Variants in EPC1 observed in about 807,000 individuals in gnomAD.
The protein encoded by EPC1 is enhancer of polycomb homolog 1.
EPC1 carries 12 observed loss-of-function variants against 98.4 expected under a neutral mutation model. The observed-to-expected ratio is 0.12, with a 90% confidence interval of 0.08 to 0.20. EPC1 has a LOEUF of 0.20. Ranked by LOEUF, EPC1 falls within the 10% of genes least tolerant of loss-of-function variation. EPC1 has a pLI of 1.00. For missense variants in EPC1, 729 were observed against 990.5 expected, an observed-to-expected ratio of 0.74 and a Z score of 3.54; for synonymous variants, 357 against 363.9, an observed-to-expected ratio of 0.98 and a Z score of 0.21.
intron 10 of EPC1, 101 bp downstream of exon 10, chr10:32,284,597 G>C (rs1337591801): frequency 2.1e-6 from 2 of 951,754 alleles, no homozygotes; most frequent in African/African-American, 1.7e-5. Context: ...AAGAGAAAAG[G>C]ACTTTAAGCC....
Position 32,292,995 on chromosome 10 carries a change from G to A in EPC1, c.659C>T (p.Thr220Ile). 1 of 1,569,826 alleles carries A rather than the reference G, an allele frequency of 6.4e-7. No individual in the cohort carries two copies. The highest frequency in any genetic ancestry group is 8.6e-7 in the Non-Finnish European group (1 of 1,158,470). The change falls in exon 4 of 14, where the codon ACT becomes ATT. Residue 220 changes from threonine to isoleucine, a missense_variant. Thr to Ile is a moderately conservative substitution (Grantham distance 89). Coordinates refer to ENST00000319778, the MANE Select transcript of EPC1 (RefSeq NM_001272004.3). ...TTCTTCAAATTCACTTACTTTTCGA[G>A]TCTGCATTTTTTCAGTACGCCTTCT... ...AFRRRTEKMQTRKNRKNDEAS... is the reference protein window; with the variant it reads ...AFRRRTEKMQIRKNRKNDEAS...
At chr10:32,290,090 G>A (rs182766410) in intron 6 of EPC1, among the ~76,000 whole-genome samples, 2,011 of 152,038 alleles carry the variant, frequency 0.013, 25 homozygotes, top group Non-Finnish European at 0.021. Flanking sequence ...ACTTAGTTAA[G>A]TACTAATTTG....
At chr10:32,273,639 C>CT (rs1412161586) in intron 10 of EPC1, among the ~76,000 whole-genome samples, 1 of 152,052 alleles carries the variant, frequency 6.6e-6, no homozygotes, top group African/African-American at 2.4e-5. Context: ...TGGAATTCAG[C>CT]TTTGCACTGA....
chr10:32,270,658 C>T (rs1260387298), intron 13 of EPC1, among the ~76,000 whole-genome samples: 1 of 151,862 alleles, frequency 6.6e-6, no homozygotes, highest in East Asian at 1.9e-4. Flanking sequence ...AACCCCGTCC[C>T]TGCTAAAAAT....
At chr10:32,346,256 G>A (rs1838794978) in intron 1 of EPC1, among the ~76,000 whole-genome samples, 1 of 152,196 alleles carries the variant, frequency 6.6e-6, no homozygotes, top group African/African-American at 2.4e-5. Context: ...CAGACCATGG[G>A]GCAATCAAAT....
intron 1 of EPC1, among the ~76,000 whole-genome samples, chr10:32,377,852 C>T (rs1839900799): frequency 6.6e-6 from 1 of 151,998 alleles, no homozygotes; most frequent in African/African-American, 2.4e-5. Context: ...AAATGTCTCC[C>T]AAATGTACCG....
intron 1 of EPC1, among the ~76,000 whole-genome samples, chr10:32,374,872 A>C (rs1839840295): frequency 6.6e-6 from 1 of 152,144 alleles, no homozygotes; most frequent in African/African-American, 2.4e-5. Flanking sequence ...AGAATAAACA[A>C]ACCCCCGAAT....
upstream of EPC1, among the ~76,000 whole-genome samples, chr10:32,347,841 A>G (rs1227712908): frequency 6.6e-6 from 1 of 152,260 alleles, no homozygotes; most frequent in Non-Finnish European, 1.5e-5. Context: ...GCACCGCATC[A>G]AGTCATTGAT....
At chr10:32,313,194 A>C (rs1343400651) in intron 1 of EPC1, among the ~76,000 whole-genome samples, 1 of 152,202 alleles carries the variant, frequency 6.6e-6, no homozygotes, top group Non-Finnish European at 1.5e-5. Context: ...TTATCCACTA[A>C]TCATTGATAG....
At chr10:32,369,339 A>T (rs939941281) in intron 1 of EPC1, among the ~76,000 whole-genome samples, 2 of 152,228 alleles carry the variant, frequency 1.3e-5, no homozygotes, top group South Asian at 4.1e-4. Context: ...TTCTAACATG[A>T]CTTGAAAATA....
At chr10:32,338,326 C>A (rs914887857) in intron 1 of EPC1, among the ~76,000 whole-genome samples, 11 of 152,266 alleles carry the variant, frequency 7.2e-5, no homozygotes, top group African/African-American at 2.4e-4. Context: ...CAAATCCATC[C>A]ATTTCTCTTC....
chr10:32,336,070 T>TC (rs1554823506), intron 1 of EPC1, among the ~76,000 whole-genome samples: 1 of 58,288 alleles, frequency 1.7e-5, no homozygotes, highest in African/African-American at 3.2e-5. Context: ...ACCTTTTCTT[T>TC]TTTTTTTTTT....
chr10:32,308,730 C>T (rs1232586679), intron 1 of EPC1, among the ~76,000 whole-genome samples: 3 of 152,134 alleles, frequency 2.0e-5, no homozygotes, highest in African/African-American at 7.2e-5. Flanking sequence ...GGAAGTCCCT[C>T]AAAAATCGAA....
chr10:32,345,216 AG>A, intron 1 of EPC1: 1 of 985,258 alleles, frequency 1.0e-6, no homozygotes, highest in Non-Finnish European at 1.2e-6. Flanking sequence ...ATTAAGAGGT[AG>A]TGTCTCATGA....
rs368401612 is a variant in EPC1, at chr10:32,287,263, G to A, written c.987C>T (p.Ala329=). ...KEFKVNKQDK[A]DLIRPKRKYE... is the part of the protein sequence containing the mutation. The stretch of plus-strand genomic sequence containing the variant: ...ATTTCCGTTTCGGTCGGATAAGATC[G>A]GCTTTATCTTGCTGCAACAAAGACA... Residue 329 remains alanine, a synonymous_variant, in exon 7 of 14, where the codon GCC becomes GCT. Transcript: ENST00000319778. 17 of 1,613,742 alleles carry A rather than the reference G, an allele frequency of 1.1e-5. No homozygotes were observed. In the African/African-American group the frequency reaches 1.9e-4, roughly 18 times the overall value.
At chr10:32,357,060 T>C (rs1447392397) in intron 1 of EPC1, among the ~76,000 whole-genome samples, 2 of 152,200 alleles carry the variant, frequency 1.3e-5, no homozygotes, top group Admixed American at 6.5e-5. Context: ...ATTGTTTAAG[T>C]ACTTGTTCAC....
intron 1 of EPC1, among the ~76,000 whole-genome samples, chr10:32,331,661 T>G (rs960019801): frequency 1.3e-5 from 2 of 152,218 alleles, no homozygotes; most frequent in Admixed American, 1.3e-4. Context: ...AACAGGGACT[T>G]TAAAAAAGAC....
intron 2 of EPC1, among the ~76,000 whole-genome samples, chr10:32,294,098 T>G (rs1428152876): frequency 1.3e-5 from 2 of 152,212 alleles, no homozygotes; most frequent in Non-Finnish European, 2.9e-5. Context: ...AATCATCACA[T>G]AGGCAATTTT....
intron 1 of EPC1, among the ~76,000 whole-genome samples, chr10:32,333,664 T>A (rs901738095): frequency 6.6e-6 from 1 of 152,078 alleles, no homozygotes; most frequent in Non-Finnish European, 1.5e-5. Context: ...TGTTAAGAGC[T>A]CAGAAATACC....
Sources: allele counts gnomAD v4.1 joint callset (sites outside exome capture counted in the v4.1 genomes callset), GRCh38; gene constraint gnomAD v4.1.1; transcripts MANE v1.5; gene names NCBI Gene and HGNC (gene_info 2026-07-23, HGNC 2026-07-21).